FAM83E: variants seen among roughly 807,000 people sequenced by gnomAD.
The protein encoded by FAM83E is scaffolding CK1 anchoring protein E.
FAM83E carries 29 observed loss-of-function variants against 34.3 expected under a neutral mutation model. The ratio of observed to expected loss-of-function variants is 0.85; its 90% confidence interval spans 0.63 to 1.15. The LOEUF (loss-of-function observed/expected upper bound fraction) is 1.15. Ranked by LOEUF, FAM83E falls within the 50% of genes most tolerant of loss-of-function variation. FAM83E has a pLI of 0.00. For missense variants in FAM83E, 697 were observed against 685.0 expected, an observed-to-expected ratio of 1.02 and a Z score of -0.20; for synonymous variants, 312 against 311.6, an observed-to-expected ratio of 1.00 and a Z score of -0.01.
Position 48,610,691 on chromosome 19 carries a change from A to AG in FAM83E, c.621dup (p.Trp208LeufsTer51), listed in dbSNP as rs777937973. On this transcript the variant is annotated frameshift_variant, in exon 4 of 7. Coordinates refer to ENST00000263266, the MANE Select transcript of FAM83E (RefSeq NM_017708.4). LOFTEE classifies it high-confidence loss of function. The stretch of plus-strand genomic sequence containing the variant: ...GGCCCGGCCCCTACCTCCGTGTTCC[A>AG]GGGGTTCACCCCCAGCTGCTGGGCC... 1.3e-6 allele frequency: 2 copies of AG among 1,569,892 alleles called. No individual in the cohort carries two copies. Among genetic ancestry groups the AG allele is most frequent in the Non-Finnish European group, 1.7e-6 (2 of 1,157,806 alleles).
At position 48,613,085 on chromosome 19, in the gene FAM83E, G is replaced by A. The variant is rs1442746910; in HGVS notation, c.288C>T (p.Gly96=). 1.2e-6 allele frequency: 2 copies of A among 1,609,152 alleles called. No individual in the cohort carries two copies. Among genetic ancestry groups the A allele is most frequent in the Non-Finnish European group, 1.7e-6 (2 of 1,178,710 alleles). The change falls in exon 3 of 7, where the codon GGC becomes GGT. Residue 96 remains glycine, a synonymous_variant. Transcript: ENST00000263266. ...ACTGCCCAGGCCAGTAGCTCAGGCT[G>A]CCCGCGTCCACATCGGTGGTGGTGG... ...EGATTTDVDA[G]SLSYWPGQSE... is the part of the protein sequence containing the mutation.
chr19:48,613,516 A>G lies in FAM83E; in HGVS notation c.-144T>C. The G allele has an allele frequency of 7.0e-7, 1 of 1,426,466 alleles. No homozygotes were observed. Among genetic ancestry groups the G allele is most frequent in the Non-Finnish European group, 9.1e-7 (1 of 1,094,798 alleles). 88.4% of individuals were successfully genotyped at this position (1,426,466 alleles called of 1,614,324 possible). A position where few individuals can be genotyped will look rare whatever the true frequency, so the allele number is the denominator to read the frequency against. Reference sequence around the variant, plus strand: ...CGAGGCCTCCGGCGGGGCCCTGCAGATGTCCAAATGGCTCCCTGCAGCAGC... The same window carrying G: ...CGAGGCCTCCGGCGGGGCCCTGCAGGTGTCCAAATGGCTCCCTGCAGCAGC... On this transcript the variant is annotated 5_prime_UTR_variant, in exon 3 of 7. Coordinates refer to ENST00000263266, the MANE Select transcript of FAM83E (RefSeq NM_017708.4).
intron 6 of FAM83E, among the ~76,000 whole-genome samples, chr19:48,602,716 T>C (rs1363888385): frequency 3.5e-4 from 4 of 11,504 alleles, no homozygotes; most frequent in Non-Finnish European, 6.4e-4. Flanking sequence ...TATATATATA[T>C]ATATATATAT....
intron 5 of FAM83E, chr19:48,607,151 G>T: frequency 6.2e-7 from 1 of 1,612,968 alleles, no homozygotes. Flanking sequence ...CCGGGCACTG[G>T]TCCGGTCATC....
chr19:48,614,011 A>C lies in FAM83E; in HGVS notation c.-639T>G. On this transcript the variant is annotated 5_prime_UTR_variant, in exon 3 of 7. An upstream start codon of the reference 5' UTR is lost. Coordinates refer to ENST00000263266, the MANE Select transcript of FAM83E (RefSeq NM_017708.4). ...AGTCACAGTATCTGCCTGTTGGAGC[A>C]TCTGTCTCTGGCCAAATCTGACAGC... The C allele has an allele frequency of 1.0e-6, 1 of 985,388 alleles. No individual in the cohort carries two copies. Among genetic ancestry groups the C allele is most frequent in the Non-Finnish European group, 1.2e-6 (1 of 829,930 alleles). 61.0% of individuals were successfully genotyped at this position (985,388 alleles called of 1,614,324 possible).
Position 48,600,986 on chromosome 19 carries a change from G to A in FAM83E, c.*123C>T. The A allele has an allele frequency of 6.8e-7, 1 of 1,476,486 alleles. No individual in the cohort carries two copies. The highest frequency in any genetic ancestry group is 8.9e-7 in the Non-Finnish European group (1 of 1,121,178). The allele number at this position is 1,476,486 out of a possible 1,614,324, so 91.5% of individuals were successfully genotyped here. On this transcript the variant is annotated 3_prime_UTR_variant, in exon 7 of 7. Coordinates refer to ENST00000263266, the MANE Select transcript of FAM83E (RefSeq NM_017708.4). ...AGAACAAGTGACAAACATCCCTTCT[G>A]CTTGACAGACGCCGAGGCCAGAAGC...
chr19:48,605,665 T>G (rs796141713), intron 5 of FAM83E, among the ~76,000 whole-genome samples: 9 of 151,712 alleles, frequency 5.9e-5, no homozygotes, highest in African/African-American at 2.2e-4. Flanking sequence ...CCTCCCAGGT[T>G]CAAGCCTCCC....
At position 48,613,317 on chromosome 19, in the gene FAM83E, G is replaced by T; in HGVS notation, c.56C>A (p.Pro19His). The T allele has an allele frequency of 6.3e-7, 1 of 1,599,876 alleles. No individual in the cohort carries two copies. The highest frequency in any genetic ancestry group is 8.5e-7 in the Non-Finnish European group (1 of 1,175,802). ...ATATAGAAAGCCGGGGCTGGCCCCG[G>T]GCACCCTGGGACCGGAGTCCACTCC... ...LEGVDSGPRV[P>H]GASPGFLYSE... The change falls in exon 3 of 7, where the codon CCC becomes CAC. Residue 19 changes from proline (P) to histidine (H), a missense_variant. Coordinates refer to ENST00000263266, the MANE Select transcript of FAM83E (RefSeq NM_017708.4).
chr19:48,603,471 T>C, intron 6 of FAM83E, 23 bp downstream of exon 6: 1 of 1,532,764 alleles, frequency 6.5e-7, no homozygotes, highest in Non-Finnish European at 8.7e-7. Flanking sequence ...CTCCATCTTC[T>C]GGCACCAGCC....
At chr19:48,610,932 G>A in intron 3 of FAM83E, 85 bp from the exon 4 acceptor site, 1 of 1,384,322 alleles carries the variant, frequency 7.2e-7, no homozygotes, top group Non-Finnish European at 9.9e-7. Context: ...CTGACATCTG[G>A]AATCTGGGAG....
intron 6 of FAM83E, 54 bp from the exon 7 acceptor site, chr19:48,601,423 C>A: frequency 6.5e-7 from 1 of 1,534,714 alleles, no homozygotes; most frequent in Admixed American, 2.1e-5. Context: ...GCCCTGGGGG[C>A]ATCCCAGATC....
At position 48,613,279 on chromosome 19, in the gene FAM83E, G is replaced by A. The variant is rs540940765; in HGVS notation, c.94C>T (p.Arg32Trp). The A allele has an allele frequency of 6.2e-6, 10 of 1,608,930 alleles. No individual in the cohort carries two copies. Among genetic ancestry groups the A allele is most frequent in the Admixed American group, 1.7e-5 (1 of 59,854 alleles). Residue 32 changes from arginine (R) to tryptophan (W), a missense_variant, in exon 3 of 7, where the codon CGG becomes TGG. Coordinates refer to ENST00000263266, the MANE Select transcript of FAM83E (RefSeq NM_017708.4). ...CTCAACAGAGCCTCCAGTGCCAGCC[G>A]CTGGCCCTCGGAATATAGAAAGCCG... ...SPGFLYSEGQ[R>W]LALEALLSKG...
In FAM83E at chr19:48,602,703, AAATATATATATATATATAT is replaced by A. The variant is rs1252729472; in HGVS notation, c.1176+772_1176+790del. 5.1e-4 allele frequency among the ~76,000 whole-genome samples: 23 copies of A among 44,842 alleles called. 1 individual carries two copies. The highest frequency in any genetic ancestry group is 1.7e-3 in the South Asian group (2 of 1,160). The allele number at this position is 44,842 out of a possible 152,430, so 29.4% of individuals were successfully genotyped here. A position where few individuals can be genotyped will look rare whatever the true frequency, so the allele number is the denominator to read the frequency against. On this transcript the variant is annotated intron_variant, in intron 6 of 6. Coordinates refer to ENST00000263266, the MANE Select transcript of FAM83E (RefSeq NM_017708.4). ...CCCTATCTCAAAAAAAAAAAAAAAA[AAATATATATATATATATAT>A]ATATATATATATATATATATATATA...
chr19:48,614,280 G>A lies in FAM83E; in HGVS notation c.-908C>T, dbSNP rs1974103943. 3.0e-6 allele frequency: 3 copies of A among 985,466 alleles called. No individual in the cohort carries two copies. Among genetic ancestry groups the A allele is most frequent in the Admixed American group, 1.2e-4 (2 of 16,254 alleles). The allele number at this position is 985,466 out of a possible 1,614,324, so 61.0% of individuals were successfully genotyped here. A position where few individuals can be genotyped will look rare whatever the true frequency, so the allele number is the denominator to read the frequency against. On this transcript the variant is annotated 5_prime_UTR_variant, in exon 3 of 7. Transcript: ENST00000263266. The stretch of plus-strand genomic sequence containing the variant: ...GTCTATGATCTTCACAGCCCATCTA[G>A]GTGTGAGTGCCACCTAACCAGCCAC...
chr19:48,603,961 C>T, intron 5 of FAM83E, 50 bp from the exon 6 acceptor site: 3 of 1,557,812 alleles, frequency 1.9e-6, no homozygotes, highest in African/African-American at 1.4e-5. Context: ...GAGGGCCCAG[C>T]CCGGCCCCCA....
rs1290984435 is a variant in FAM83E, at chr19:48,603,810, G to A, written c.860C>T (p.Ala287Val). The change falls in exon 6 of 7, where the codon GCC (alanine) becomes GTC (valine). Residue 287 changes from alanine (A) to valine (V), a missense_variant. Coordinates refer to ENST00000263266, the MANE Select transcript of FAM83E (RefSeq NM_017708.4). ...FSLEFRTLYA[A>V]SCPLPPAPPQ... ...GGGCGCAGGTGGGAGCGGGCAGGAG[G>A]CCGCGTACAGCGTCCGGAACTCAAG... 1.9e-6 allele frequency: 3 copies of A among 1,603,882 alleles called. No individual in the cohort carries two copies. Among genetic ancestry groups the A allele is most frequent in the East Asian group, 4.6e-5 (2 of 43,826 alleles).
chr19:48,600,862 A>T lies in FAM83E; in HGVS notation c.*247T>A. On this transcript the variant is annotated 3_prime_UTR_variant, in exon 7 of 7. Coordinates refer to ENST00000263266, the MANE Select transcript of FAM83E (RefSeq NM_017708.4). ...GAGATGGGGTCTCACTATGTTGCCC[A>T]GGCTGGTCTCCAACTCCTGGCCTTA... 1 of 634,416 alleles carries T rather than the reference A, an allele frequency of 1.6e-6. No homozygotes were observed. The highest frequency in any genetic ancestry group is 2.4e-6 in the Non-Finnish European group (1 of 424,552). 39.3% of individuals were successfully genotyped at this position (634,416 alleles called of 1,614,324 possible).
At chr19:48,608,075 G>T (rs1453640774) in intron 5 of FAM83E, among the ~76,000 whole-genome samples, 1 of 152,154 alleles carries the variant, frequency 6.6e-6, no homozygotes, top group Non-Finnish European at 1.5e-5. Flanking sequence ...TTCCAGGCAC[G>T]ATGAATGGCA....
intron 3 of FAM83E, 76 bp downstream of exon 3, chr19:48,612,832 C>T (rs1164414810): frequency 6.9e-7 from 1 of 1,446,710 alleles, no homozygotes; most frequent in Non-Finnish European, 9.2e-7. Context: ...TTGCAAGTCC[C>T]AGGAGGACAA....
Sources: allele counts gnomAD v4.1 joint callset (sites outside exome capture counted in the v4.1 genomes callset), GRCh38; gene constraint gnomAD v4.1.1; transcripts MANE v1.5; gene names NCBI Gene and HGNC (gene_info 2026-07-23, HGNC 2026-07-21).